The following MYH7B variants were observed in gnomAD, a reference collection of about 807,000 sequenced individuals.
MYH7B encodes the protein myosin heavy chain 7B, also known as myosin-7B.
In MYH7B, 205 loss-of-function variants were observed where a neutral mutation model predicts 234.5. That is an observed-to-expected ratio of 0.87 (90% confidence interval 0.78 to 0.98). The LOEUF (loss-of-function observed/expected upper bound fraction) is 0.98, where lower values mean the gene tolerates loss of function less well. Among genes scored for constraint, MYH7B ranks in the 50% least tolerant of loss-of-function variants. The pLI is 0.00. For missense variants in MYH7B, 2,652 were observed against 2,633.4 expected (o/e 1.01, Z -0.15); for synonymous variants, 1,193 against 1,105.0 (o/e 1.08, Z -1.58).
rs374030911 is a variant in MYH7B at position 34,997,177 on chromosome 20, C to T, written c.3357+4C>T. 397 of 1,549,936 alleles carry T rather than the reference C, an allele frequency of 2.6e-4. No individual in the cohort carries two copies. The highest frequency in any genetic ancestry group is 3.1e-4 in the Non-Finnish European group (358 of 1,147,150). On this transcript the variant is annotated splice_donor_region_variant and intron_variant, in intron 31 of 44. Coordinates refer to ENST00000262873, the Ensembl canonical transcript of MYH7B. ...GAAGAAGATCAAGGAGCTGCAGGTG[C>T]GTGGGGATCGGGTGGGTGAGGCCTG... is the stretch of plus-strand genomic sequence containing the variant.
Position 34,998,331 on chromosome 20 carries a change from C to T in MYH7B, c.3784C>T (p.Gln1262Ter), listed in dbSNP as rs775417956. The T allele has an allele frequency of 6.2e-7, 1 of 1,614,006 alleles. No individual in the cohort carries two copies. The highest frequency in any genetic ancestry group is 8.5e-7 in the Non-Finnish European group (1 of 1,180,038). ...GAAGCTGTGCCGGACCTATGAGGAT[C>T]AGCTAAGCGAGGCCAAGATCAAGGT... The change falls in exon 33 of 45, where the codon CAG becomes TAG. Residue 1262 changes from glutamine to a stop codon, truncating the protein, a stop_gained. Coordinates refer to ENST00000262873, the Ensembl canonical transcript of MYH7B. LOFTEE classifies it high-confidence loss of function.
Position 34,988,058 on chromosome 20 carries a change from GAGGTCTGCTGAGCC to G in MYH7B, c.1417-30_1417-17del. 1 of 1,595,518 alleles carries G rather than the reference GAGGTCTGCTGAGCC, an allele frequency of 6.3e-7. No individual in the cohort carries two copies. Among genetic ancestry groups the G allele is most frequent in the Non-Finnish European group, 8.6e-7 (1 of 1,168,794 alleles). On this transcript the variant is annotated intron_variant, in intron 18 of 44. Transcript: ENST00000262873. Reference sequence around the variant, plus strand: ...CGGGCCTCCCTTTCCCCATCTGCGAGAGGTCTGCTGAGCCAGGCCCCTCCCTCTTGTAGTTCAAC... The same window carrying G: ...CGGGCCTCCCTTTCCCCATCTGCGAGAGGCCCCTCCCTCTTGTAGTTCAAC...
chr20:34,999,015 C>T (rs1479592022), intron 35 of MYH7B, 41 bp from the exon 36 acceptor site: 36 of 1,585,664 alleles, frequency 2.3e-5, no homozygotes, highest in Non-Finnish European at 3.1e-5. Flanking sequence ...GCTGTTCTCC[C>T]TCCTTCCATG....
chr20:34,984,866 G>C (rs1180798442), exon 12 of MYH7B: 27 of 1,614,020 alleles, frequency 1.7e-5, no homozygotes, highest in Non-Finnish European at 2.1e-5. Context: ...CACCCTTGAG[G>C]ATCAAATCAT....
At chr20:34,993,737 C>T (rs2425010) in intron 26 of MYH7B, among the ~76,000 whole-genome samples, 89,588 of 152,098 alleles carry the variant, frequency 0.59, 27,346 homozygotes, top group Middle Eastern at 0.73. Context: ...TCTTGCGGGC[C>T]GGGCCCCAGG....
intron 22 of MYH7B, 29 bp from the exon 23 acceptor site, chr20:34,990,709 G>A (rs753838197): frequency 1.2e-6 from 2 of 1,609,600 alleles, no homozygotes; most frequent in Non-Finnish European, 8.5e-7. Flanking sequence ...CCCCCTTTGT[G>A]CCTTTCCCTC....
At chr20:35,000,169 C>A in intron 38 of MYH7B, 124 bp from the exon 39 acceptor site, 1 of 1,243,612 alleles carries the variant, frequency 8.0e-7, no homozygotes, top group Non-Finnish European at 1.1e-6. Flanking sequence ...TCACAAGAGA[C>A]TTTAAATCGG....
Position 35,000,580 on chromosome 20 carries a change from C to T in MYH7B, c.5069C>T (p.Ala1690Val), listed in dbSNP as rs1569066353. ...GAGCGCCGGGCCTCGCTGCTGGCTG[C>T]GGAGCTGGAGGAGCTGCGGGCTGCC... Residue 1690 changes from alanine (A) to valine (V), a missense_variant, in exon 39 of 45, where the codon GCG (alanine) becomes GTG (valine). Physicochemically the swap from Ala to Val is moderately conservative, Grantham distance 64. Coordinates refer to ENST00000262873, the Ensembl canonical transcript of MYH7B. 7.6e-6 allele frequency: 12 copies of T among 1,569,058 alleles called. No individual in the cohort carries two copies. Among genetic ancestry groups the T allele is most frequent in the Admixed American group, 1.9e-5 (1 of 53,188 alleles).
At position 34,990,583 on chromosome 20, in the gene MYH7B, G is replaced by A. The variant is rs545157926; in HGVS notation, c.1978-155G>A. ...GAAGACTTTGGTGGTGGTGATGGGAGACAGCGAAGGGTCTCCCATCACCAG... is the reference window on the plus strand; with the variant it reads ...GAAGACTTTGGTGGTGGTGATGGGAAACAGCGAAGGGTCTCCCATCACCAG... On this transcript the variant is annotated intron_variant, in intron 22 of 44. Transcript: ENST00000262873. 1.0e-5 allele frequency: 8 copies of A among 776,956 alleles called. 1 individual carries two copies. The South Asian group carries it at 1.2e-4, about 12-fold the overall frequency. 48.1% of individuals were successfully genotyped at this position (776,956 alleles called of 1,614,324 possible). A position where few individuals can be genotyped will look rare whatever the true frequency, so the allele number is the denominator to read the frequency against.
chr20:34,977,056 T>TC (rs1555891955), intron 3 of MYH7B, among the ~76,000 whole-genome samples: 54,605 of 83,256 alleles, frequency 0.66, 14,645 homozygotes, highest in East Asian at 0.76. Context: ...CCCCTACCCC[T>TC]CCCCCCTCTC....
chr20:34,977,634 G>A (rs1479337101), exon 4 of MYH7B: 2 of 1,573,978 alleles, frequency 1.3e-6, no homozygotes, highest in East Asian at 2.3e-5. Context: ...CTTGACAGTG[G>A]CAATAAAAGG....
chr20:34,956,374 T>C (rs1406758316), intron 1 of MYH7B, among the ~76,000 whole-genome samples: 8 of 152,194 alleles, frequency 5.3e-5, no homozygotes, highest in Non-Finnish European at 8.8e-5. Flanking sequence ...TCAGACTCTC[T>C]TGTACCGTTT....
exon 42 of MYH7B, chr20:35,001,267 T>C (rs2082374309): frequency 6.2e-7 from 1 of 1,612,124 alleles, no homozygotes; most frequent in Non-Finnish European, 8.5e-7. Flanking sequence ...GAGGCTGAGC[T>C]TGATGCAGAG....
intron 2 of MYH7B, among the ~76,000 whole-genome samples, chr20:34,959,473 C>T (rs911840813): frequency 6.7e-5 from 9 of 134,106 alleles, no homozygotes; most frequent in Non-Finnish European, 1.2e-4. Flanking sequence ...TATTTTTTTT[C>T]TTTCTTTCTT....
chr20:34,981,006 T>C, intron 8 of MYH7B, 27 bp from the exon 9 acceptor site: 1 of 1,614,104 alleles, frequency 6.2e-7, no homozygotes, highest in Admixed American at 1.7e-5. Context: ...CTTGGCTGAC[T>C]TCTCTATCCC....
intron 2 of MYH7B, among the ~76,000 whole-genome samples, chr20:34,972,334 T>C (rs1322539377): frequency 6.6e-6 from 1 of 151,898 alleles, no homozygotes; most frequent in Non-Finnish European, 1.5e-5. Flanking sequence ...TATTTGCTGT[T>C]CCTTCTGCTT....
chr20:34,985,926 C>T (rs1042986178), intron 13 of MYH7B, among the ~76,000 whole-genome samples, 174 bp from the exon 14 acceptor site: 8 of 152,178 alleles, frequency 5.3e-5, no homozygotes, highest in Admixed American at 2.0e-4. Flanking sequence ...TACAGACACA[C>T]GGCTCGTGTG....
chr20:34,984,910 C>A, exon 12 of MYH7B: 2 of 1,614,070 alleles, frequency 1.2e-6, no homozygotes. Context: ...CCTTTGGCAA[C>A]GCCAAGACCC....
At chr20:34,957,332 CAGAG>C (rs1453403282) in intron 1 of MYH7B, among the ~76,000 whole-genome samples, 1 of 152,082 alleles carries the variant, frequency 6.6e-6, no homozygotes, top group East Asian at 1.9e-4. Context: ...CCAGAGAAAG[CAGAG>C]AGAGTTAAGA....
Sources: allele counts gnomAD v4.1 joint callset (sites outside exome capture counted in the v4.1 genomes callset), GRCh38; gene constraint gnomAD v4.1.1; transcripts MANE v1.5; gene names NCBI Gene and HGNC (gene_info 2026-07-23, HGNC 2026-07-21).